GLB1L2: variants seen among roughly 807,000 people sequenced by gnomAD.
GLB1L2 encodes galactosidase beta 1 like 2, also known as beta-galactosidase-1-like protein 2.
A neutral mutation model predicts 84.1 loss-of-function variants in GLB1L2; 68 were observed. The observed-to-expected ratio is 0.81, with a 90% confidence interval of 0.67 to 0.99. GLB1L2 has a LOEUF of 0.99. GLB1L2 is among the 50% of genes least tolerant of loss of function. GLB1L2 has a pLI of 0.00. For synonymous variants in GLB1L2, 290 were observed against 318.0 expected (o/e 0.91, Z 0.94); for missense variants, 762 against 805.6 (o/e 0.95, Z 0.66).
chr11:134,354,911 T>C (rs964249049), intron 5 of GLB1L2, among the ~76,000 whole-genome samples: 1 of 152,190 alleles, frequency 6.6e-6, no homozygotes, highest in Non-Finnish European at 1.5e-5. Context: ...TCAGCTATTA[T>C]TTTGTAAAAA....
At chr11:134,341,141 T>C (rs1415228370) in intron 1 of GLB1L2, among the ~76,000 whole-genome samples, 1 of 152,258 alleles carries the variant, frequency 6.6e-6, no homozygotes, top group Non-Finnish European at 1.5e-5. Context: ...GGCTATTCTC[T>C]CTAAAGCTTT....
Position 134,331,998 on chromosome 11 carries a change from T to A in GLB1L2, c.-64T>A. ...GCGGCTCCGCCCCCCGCGGCGAGGC[T>A]CCCGCGCGCGGCTGAGTGCGGACTG... is the stretch of plus-strand genomic sequence containing the variant. On this transcript the variant is annotated 5_prime_UTR_variant, in exon 1 of 19. Coordinates refer to ENST00000535456, the MANE Select transcript of GLB1L2 (RefSeq NM_001370461.1). 3 of 1,179,666 alleles carry A rather than the reference T, an allele frequency of 2.5e-6. No homozygotes were observed. Among genetic ancestry groups the A allele is most frequent in the Non-Finnish European group, 3.5e-6 (3 of 848,342 alleles). 73.1% of individuals were successfully genotyped at this position (1,179,666 alleles called of 1,614,324 possible). A position where few individuals can be genotyped will look rare whatever the true frequency, so the allele number is the denominator to read the frequency against.
intron 14 of GLB1L2, 111 bp downstream of exon 14, chr11:134,371,603 G>A (rs1205552946): frequency 9.9e-7 from 1 of 1,014,634 alleles, no homozygotes; most frequent in Non-Finnish European, 1.6e-6. Context: ...CCCACAAGCT[G>A]TAGGTGGAGA....
intron 4 of GLB1L2, among the ~76,000 whole-genome samples, chr11:134,345,604 A>T (rs1242411524): frequency 2.0e-5 from 3 of 152,024 alleles, no homozygotes; most frequent in Non-Finnish European, 2.9e-5. Flanking sequence ...CCGAGTAGCT[A>T]GGGTTACAGG....
In GLB1L2 at chr11:134,370,995, C is replaced by T. The variant is rs553035640; in HGVS notation, c.1216-13C>T. 1 of 1,613,960 alleles carries T rather than the reference C, an allele frequency of 6.2e-7. No homozygotes were observed. Among genetic ancestry groups the T allele is most frequent in the East Asian group, 2.2e-5 (1 of 44,880 alleles). ...CCTGAGCCTGCCCACCCCTCCATCT[C>T]TTCTGTACGCAGCCAATCAAGTCTG... On this transcript the variant is annotated splice_polypyrimidine_tract_variant and intron_variant, in intron 12 of 18. Coordinates refer to ENST00000535456, the MANE Select transcript of GLB1L2 (RefSeq NM_001370461.1). This position sits in a 1 kb window ranked among gnomAD's most constrained non-coding sequence, Gnocchi z 4.7.
rs1174962055 is a variant in GLB1L2, at chr11:134,347,341, C to G, written c.466C>G (p.Pro156Ala). 1.9e-6 allele frequency: 3 copies of G among 1,613,974 alleles called. No homozygotes were observed. Among genetic ancestry groups the G allele is most frequent in the Non-Finnish European group, 2.5e-6 (3 of 1,179,834 alleles). Residue 156 changes from proline to alanine, a missense_variant, in exon 5 of 19, where the codon CCT (proline) becomes GCT (alanine). Physicochemically the swap from Pro to Ala is conservative, Grantham distance 27 (BLOSUM62 -1). Coordinates refer to ENST00000535456, the MANE Select transcript of GLB1L2 (RefSeq NM_001370461.1). ...GGLPSWLLQDPGMRLRTTYKG... is the reference protein window; with the variant it reads ...GGLPSWLLQDAGMRLRTTYKG... ...CACTTCAAGCTGGCTACTCCAAGAC[C>G]CTGGCATGAGGCTGAGGACAACTTA...
At chr11:134,336,199 G>C (rs759130597) in intron 1 of GLB1L2, among the ~76,000 whole-genome samples, 2 of 152,144 alleles carry the variant, frequency 1.3e-5, no homozygotes, top group Non-Finnish European at 2.9e-5. Flanking sequence ...CAGTGGGCTT[G>C]TTCCTTTCAA....
intron 5 of GLB1L2, among the ~76,000 whole-genome samples, chr11:134,355,199 T>G (rs572744011): frequency 9.2e-5 from 14 of 152,328 alleles, no homozygotes; most frequent in African/African-American, 3.4e-4. Context: ...AAAAATAATC[T>G]CTGTTTCTTT....
At chr11:134,343,944 C>T (rs1384124248) in intron 2 of GLB1L2, among the ~76,000 whole-genome samples, 1 of 152,246 alleles carries the variant, frequency 6.6e-6, no homozygotes, top group African/African-American at 2.4e-5. Context: ...CGAGTTGAGC[C>T]TGTCCATGAG....
chr11:134,335,537 T>C (rs939915929), intron 1 of GLB1L2, among the ~76,000 whole-genome samples: 4 of 152,104 alleles, frequency 2.6e-5, no homozygotes, highest in African/African-American at 9.7e-5. Context: ...TCGAGTTGGC[T>C]CTGGGATTCT....
rs138188089 is a variant in GLB1L2 at position 134,358,282 on chromosome 11, G to A, written c.652-778G>A. 8.2e-3 allele frequency among the ~76,000 whole-genome samples: 1,243 copies of A among 152,338 alleles called. 9 individuals are homozygous for A. Among genetic ancestry groups the A allele is most frequent in the Middle Eastern group, 0.031 (9 of 294 alleles). On this transcript the variant is annotated intron_variant, in intron 6 of 18. Transcript: ENST00000535456. ...CCTTTGGCTCTGGGTTCAGGCCCAC[G>A]TTGCCATGGGCCCTGTAACCTGCGA...
At chr11:134,350,459 A>C (rs1943609986) in intron 5 of GLB1L2, among the ~76,000 whole-genome samples, 1 of 152,276 alleles carries the variant, frequency 6.6e-6, no homozygotes, top group South Asian at 2.1e-4. Flanking sequence ...CCCCAAATGC[A>C]CAGATCCTCT....
chr11:134,348,509 T>C lies in GLB1L2; in HGVS notation c.558+1076T>C, dbSNP rs1273015823. On this transcript the variant is annotated intron_variant, in intron 5 of 18. Coordinates refer to ENST00000535456, the MANE Select transcript of GLB1L2 (RefSeq NM_001370461.1). ...TTGCAGACGTGCAGCGGGTCACCAA[T>C]GCATCTTTTTGAAATAAACGATAAC... 2.6e-5 allele frequency among the ~76,000 whole-genome samples: 4 copies of C among 152,322 alleles called. No individual in the cohort carries two copies. In the East Asian group the frequency reaches 5.8e-4, roughly 22 times the overall value.
chr11:134,352,462 A>C (rs1301202593), intron 5 of GLB1L2, among the ~76,000 whole-genome samples: 1 of 151,636 alleles, frequency 6.6e-6, no homozygotes, highest in Admixed American at 6.6e-5. Flanking sequence ...AATCTTTATT[A>C]TTTCCTTACT....
intron 1 of GLB1L2, among the ~76,000 whole-genome samples, chr11:134,336,506 T>A (rs544982084): frequency 8.5e-5 from 13 of 152,336 alleles, no homozygotes; most frequent in African/African-American, 3.1e-4. Flanking sequence ...TTGTTTGCAA[T>A]CTTTTAGCTA....
At chr11:134,371,899 G>T in intron 15 of GLB1L2, 69 bp downstream of exon 15, 1 of 1,479,276 alleles carries the variant, frequency 6.8e-7, no homozygotes, top group Non-Finnish European at 9.4e-7. Flanking sequence ...GCTTCTCTAT[G>T]CTAGCAGGCC....
chr11:134,332,190 C>T, intron 1 of GLB1L2, 43 bp downstream of exon 1: 1 of 1,364,678 alleles, frequency 7.3e-7, no homozygotes, highest in South Asian at 1.3e-5. Flanking sequence ...CCCCACATTC[C>T]CCAGCCCTCC....
intron 1 of GLB1L2, among the ~76,000 whole-genome samples, chr11:134,341,097 A>G (rs1251322811): frequency 2.0e-5 from 3 of 152,244 alleles, no homozygotes; most frequent in Non-Finnish European, 2.9e-5. Context: ...AGAAGTTGGG[A>G]TTATTCCACA....
At chr11:134,362,866 G>T (rs1456886293) in intron 7 of GLB1L2, among the ~76,000 whole-genome samples, 2 of 152,138 alleles carry the variant, frequency 1.3e-5, no homozygotes, top group African/African-American at 4.8e-5. Context: ...TGAGGCCTTG[G>T]GCTGGAGCTG....
Sources: gnomAD v4.1 joint callset for allele counts (sites outside exome capture counted in the v4.1 genomes callset) on GRCh38, gnomAD v4.1.1 for gene constraint, Gnocchi (gnomAD v3.1) non-coding constraint, MANE v1.5 for transcripts, NCBI Gene and HGNC (gene_info 2026-07-23, HGNC 2026-07-21) for gene names.